Variants in MARCHF1 observed in about 807,000 individuals in gnomAD.
MARCHF1 encodes the protein membrane associated ring-CH-type finger 1, also known as E3 ubiquitin-protein ligase MARCHF1.
MARCHF1 carries 40 observed loss-of-function variants against 54.2 expected under a neutral mutation model. The ratio of observed to expected loss-of-function variants is 0.74; its 90% CI spans 0.57 to 0.96. The LOEUF (loss-of-function observed/expected upper bound fraction) is 0.96, where lower values mean the gene tolerates loss of function less well. Among genes scored for constraint, MARCHF1 ranks in the 40% least tolerant of loss-of-function variants. The pLI is 0.00. For missense variants in MARCHF1, 586 were observed against 656.5 expected (o/e 0.89, Z 1.17); for synonymous variants, 236 against 236.3 (o/e 1.00, Z 0.01).
intron 5 of MARCHF1, among the ~76,000 whole-genome samples, chr4:163,659,574 G>A (rs1271290817): frequency 6.6e-6 from 1 of 152,050 alleles, no homozygotes; most frequent in Non-Finnish European, 1.5e-5. Context: ...AAACTAAAGA[G>A]CTTCTGCACA....
chr4:164,063,789 T>G (rs530426473), intron 2 of MARCHF1, among the ~76,000 whole-genome samples: 95 of 152,328 alleles, frequency 6.2e-4, no homozygotes, highest in Non-Finnish European at 1.1e-3. Flanking sequence ...ATAGCAAATA[T>G]TTTTTCAAAA....
At chr4:164,264,156 G>A (rs949895849) in intron 1 of MARCHF1, among the ~76,000 whole-genome samples, 6 of 152,142 alleles carry the variant, frequency 3.9e-5, no homozygotes, top group East Asian at 1.9e-4. Flanking sequence ...GGAATACTAC[G>A]CCGCCATTAA....
chr4:163,859,562 T>C (rs1040461246), intron 3 of MARCHF1, among the ~76,000 whole-genome samples: 2 of 152,066 alleles, frequency 1.3e-5, no homozygotes, highest in Non-Finnish European at 2.9e-5. Context: ...GATCTCGCCA[T>C]GTTGGCCAGG....
chr4:164,000,484 G>C lies in MARCHF1; in HGVS notation c.-247-11775C>G, dbSNP rs189415419. On this transcript the variant is annotated intron_variant, in intron 2 of 9. Transcript: ENST00000514618. ...GTAGATTCAAATATATGAGAAAAGA[G>C]AAAGATTTAGAGAAAGAGAAAGCAC... is the stretch of plus-strand genomic sequence containing the variant. Among the ~76,000 whole-genome samples the C allele has an allele frequency of 8.6e-5, 13 of 151,632 alleles. No homozygotes were observed. In the East Asian group the frequency reaches 1.7e-3, roughly 20 times the overall value.
At chr4:163,723,843 C>A (rs892905383) in intron 4 of MARCHF1, among the ~76,000 whole-genome samples, 1 of 152,162 alleles carries the variant, frequency 6.6e-6, no homozygotes, top group Non-Finnish European at 1.5e-5. Flanking sequence ...GCATTTGTCA[C>A]GTAGTTCTTG....
intron 4 of MARCHF1, among the ~76,000 whole-genome samples, chr4:163,801,209 C>A (rs1748072382): frequency 6.6e-6 from 1 of 151,960 alleles, no homozygotes; most frequent in African/African-American, 2.4e-5. Flanking sequence ...CCATCCAAAC[C>A]CACAACTTTG....
At chr4:163,538,712 C>G (rs1231216638) in intron 9 of MARCHF1, among the ~76,000 whole-genome samples, 1 of 152,210 alleles carries the variant, frequency 6.6e-6, no homozygotes, top group Non-Finnish European at 1.5e-5. Context: ...CTACTTCAGT[C>G]TTTACATCTT....
intron 1 of MARCHF1, among the ~76,000 whole-genome samples, chr4:164,246,303 T>C (rs1324020572): frequency 8.8e-5 from 4 of 45,348 alleles, no homozygotes; most frequent in African/African-American, 2.2e-4. Flanking sequence ...GCCGCATATC[T>C]ACAACTATCT....
chr4:163,835,694 T>C (rs1022415147), intron 4 of MARCHF1, among the ~76,000 whole-genome samples: 42 of 152,260 alleles, frequency 2.8e-4, no homozygotes, highest in Non-Finnish European at 1.5e-5. Context: ...GAATCGTTCA[T>C]TGTTCAATTT....
chr4:164,309,922 G>A (rs1052741806), intron 1 of MARCHF1, among the ~76,000 whole-genome samples: 7 of 151,608 alleles, frequency 4.6e-5, no homozygotes, highest in African/African-American at 1.7e-4. Context: ...CCTCTATCAA[G>A]AATGATGTGT....
At chr4:164,373,906 A>T (rs562334000) in intron 1 of MARCHF1, among the ~76,000 whole-genome samples, 1 of 152,194 alleles carries the variant, frequency 6.6e-6, no homozygotes, top group African/African-American at 2.4e-5. Context: ...AATGTAGATT[A>T]CTCATTTATC....
At chr4:163,829,064 T>C (rs1748940831) in intron 4 of MARCHF1, 1 of 152,190 alleles carries the variant, frequency 6.6e-6, no homozygotes, top group Non-Finnish European at 1.5e-5. Flanking sequence ...GAACCAACCC[T>C]GTCAAGTCAG....
chr4:163,945,934 C>A (rs748075565), intron 3 of MARCHF1, among the ~76,000 whole-genome samples: 2 of 151,948 alleles, frequency 1.3e-5, no homozygotes, highest in Non-Finnish European at 2.9e-5. Context: ...TCACAGCTTC[C>A]CTAGTTTTTA....
intron 3 of MARCHF1, among the ~76,000 whole-genome samples, chr4:163,928,509 G>A (rs1359778968): frequency 2.0e-5 from 3 of 151,874 alleles, no homozygotes; most frequent in African/African-American, 7.2e-5. Flanking sequence ...CTTTATGGAT[G>A]AAGAATCTAG....
intron 3 of MARCHF1, among the ~76,000 whole-genome samples, chr4:163,857,015 A>AAAATAAATAAATAAAT (rs34410156): frequency 3.0e-5 from 4 of 131,498 alleles, no homozygotes; most frequent in Admixed American, 8.0e-5. Flanking sequence ...TTTGTCTCGA[A>AAAATAAATAAATAAAT]AAATAAATAA....
At chr4:164,368,850 G>C (rs1340910784) in intron 1 of MARCHF1, among the ~76,000 whole-genome samples, 2 of 152,172 alleles carry the variant, frequency 1.3e-5, no homozygotes, top group Non-Finnish European at 2.9e-5. Flanking sequence ...CAAGGAAAAG[G>C]CTATGATACC....
At chr4:163,711,101 G>A (rs78568157) in intron 4 of MARCHF1, among the ~76,000 whole-genome samples, 4,229 of 151,762 alleles carry the variant, frequency 0.028, 72 homozygotes, top group East Asian at 0.076. Context: ...TGTAAATGAC[G>A]TGTAATTTTT....
intron 1 of MARCHF1, among the ~76,000 whole-genome samples, chr4:164,381,582 C>T (rs540568018): frequency 1.3e-5 from 2 of 152,102 alleles, no homozygotes; most frequent in Non-Finnish European, 2.9e-5. Flanking sequence ...TGCCAAAAAC[C>T]ATGAGCCAAA....
intron 7 of MARCHF1, among the ~76,000 whole-genome samples, chr4:163,608,904 GTA>G (rs1159987808): frequency 3.3e-5 from 5 of 152,024 alleles, no homozygotes; most frequent in Non-Finnish European, 7.4e-5. Context: ...TTCTCAGGCT[GTA>G]TCCATTTCTA....
Sources: gnomAD v4.1 joint callset for allele counts (sites outside exome capture counted in the v4.1 genomes callset) on GRCh38, gnomAD v4.1.1 for gene constraint, MANE v1.5 for transcripts, NCBI Gene and HGNC (gene_info 2026-07-23, HGNC 2026-07-21) for gene names.